The following RAD51B variants were observed in gnomAD, a reference collection of about 807,000 sequenced individuals.
RAD51B encodes DNA repair protein RAD51 homolog 2.
In RAD51B, 38 loss-of-function variants were observed where a neutral mutation model predicts 42.2. That is an observed-to-expected ratio of 0.90 (90% CI 0.70 to 1.18). The LOEUF is 1.18. Among genes scored for constraint, RAD51B ranks in the 50% most tolerant of loss-of-function variants. The pLI is 0.00. For missense variants in RAD51B, 373 were observed against 400.7 expected (o/e 0.93, Z 0.59); for synonymous variants, 154 against 145.2 (o/e 1.06, Z -0.43).
intron 9 of RAD51B, among the ~76,000 whole-genome samples, chr14:68,412,483 G>A (rs1189634494): frequency 6.6e-6 from 1 of 152,180 alleles, no homozygotes; most frequent in African/African-American, 2.4e-5. Context: ...GCCTTTACCT[G>A]CATTAGGTAA....
chr14:68,092,829 T>C (rs1170626931), intron 7 of RAD51B, among the ~76,000 whole-genome samples: 5 of 152,162 alleles, frequency 3.3e-5, no homozygotes, highest in Non-Finnish European at 7.3e-5. Flanking sequence ...TGATATTGGC[T>C]GTGGGTTTGT....
intron 7 of RAD51B, among the ~76,000 whole-genome samples, chr14:67,975,111 G>A (rs923852877): frequency 6.6e-6 from 1 of 152,068 alleles, no homozygotes; most frequent in Admixed American, 6.5e-5. Flanking sequence ...TTACCTAATG[G>A]TTTCTGTGGG....
intron 3 of RAD51B, among the ~76,000 whole-genome samples, chr14:67,830,291 C>T (rs770987605): frequency 5.3e-5 from 8 of 152,062 alleles, no homozygotes; most frequent in African/African-American, 7.2e-5. Flanking sequence ...AAAATATTCA[C>T]GAAGATTAGT....
At chr14:68,527,075 G>C (rs1165479131) in intron 10 of RAD51B, among the ~76,000 whole-genome samples, 1 of 152,194 alleles carries the variant, frequency 6.6e-6, no homozygotes, top group African/African-American at 2.4e-5. Context: ...CAGGAAAGAA[G>C]AAAGTTACAT....
chr14:68,139,224 T>C (rs536977230), intron 7 of RAD51B, among the ~76,000 whole-genome samples: 3 of 152,202 alleles, frequency 2.0e-5, no homozygotes, highest in African/African-American at 4.8e-5. Flanking sequence ...ATTCAAAACA[T>C]TTATTACTAA....
At chr14:67,964,622 C>T (rs2074733178) in intron 7 of RAD51B, among the ~76,000 whole-genome samples, 1 of 151,252 alleles carries the variant, frequency 6.6e-6, no homozygotes, top group African/African-American at 2.4e-5. Flanking sequence ...TTTTCTTTTT[C>T]TTTTTTTTTC....
At chr14:68,657,229 T>G (rs1329758718) in intron 11 of RAD51B, among the ~76,000 whole-genome samples, 2 of 152,100 alleles carry the variant, frequency 1.3e-5, no homozygotes, top group Admixed American at 6.5e-5. Flanking sequence ...GTGGGGGGAA[T>G]GCTGAGGCTT....
chr14:68,441,902 T>A (rs1228603461), intron 9 of RAD51B, among the ~76,000 whole-genome samples: 2 of 152,226 alleles, frequency 1.3e-5, no homozygotes, highest in Non-Finnish European at 2.9e-5. Flanking sequence ...CCATAGGATA[T>A]AACCCTAACA....
At chr14:68,419,701 A>G (rs930350532) in intron 9 of RAD51B, among the ~76,000 whole-genome samples, 1 of 152,200 alleles carries the variant, frequency 6.6e-6, no homozygotes, top group Non-Finnish European at 1.5e-5. Context: ...TTCATAGGCT[A>G]AAGGTGTGTA....
chr14:68,587,548 G>A (rs188097516), intron 10 of RAD51B, among the ~76,000 whole-genome samples: 15 of 152,046 alleles, frequency 9.9e-5, no homozygotes, highest in African/African-American at 3.6e-4. Flanking sequence ...TAATTCCTCT[G>A]CTGGTCTGAG....
chr14:68,662,279 T>C (rs1892949094), intron 11 of RAD51B, among the ~76,000 whole-genome samples: 1 of 152,230 alleles, frequency 6.6e-6, no homozygotes, highest in Admixed American at 6.5e-5. Context: ...ATCCCGGGCA[T>C]GTATAAAATT....
At chr14:68,682,854 G>A in intron 11 of RAD51B, 1 of 805,370 alleles carries the variant, frequency 1.2e-6, no homozygotes, top group Non-Finnish European at 1.5e-6. Context: ...AGGATTTATT[G>A]CCTTTGAGTA....
At chr14:68,137,981 T>C (rs2078045783) in intron 7 of RAD51B, among the ~76,000 whole-genome samples, 2 of 152,150 alleles carry the variant, frequency 1.3e-5, no homozygotes, top group African/African-American at 2.4e-5. Flanking sequence ...CAAAACTCTT[T>C]AGAGGATTGT....
At chr14:68,385,398 G>A (rs1319168681) in intron 8 of RAD51B, among the ~76,000 whole-genome samples, 1 of 152,150 alleles carries the variant, frequency 6.6e-6, no homozygotes, top group Admixed American at 6.5e-5. Flanking sequence ...ACTCCTTCAA[G>A]GCAACTGCAA....
chr14:68,160,363 C>T (rs1309391052), intron 7 of RAD51B, among the ~76,000 whole-genome samples: 1 of 152,156 alleles, frequency 6.6e-6, no homozygotes, highest in Admixed American at 6.5e-5. Context: ...AACCTGAGTT[C>T]CCTAGCTTTC....
At chr14:68,070,217 C>T (rs1028722091) in intron 7 of RAD51B, among the ~76,000 whole-genome samples, 1 of 151,966 alleles carries the variant, frequency 6.6e-6, no homozygotes, top group Non-Finnish European at 1.5e-5. Context: ...ATATTTTCTC[C>T]CATTCTATAG....
intron 7 of RAD51B, among the ~76,000 whole-genome samples, chr14:68,163,912 G>GA (rs1370219468): frequency 5.3e-5 from 8 of 152,168 alleles, no homozygotes; most frequent in Non-Finnish European, 1.2e-4. Context: ...TGAAAAAGTT[G>GA]AAAAAATACT....
intron 8 of RAD51B, among the ~76,000 whole-genome samples, chr14:68,305,001 T>C (rs2081830409): frequency 6.6e-6 from 1 of 152,222 alleles, no homozygotes. Flanking sequence ...TGCCCCAAAG[T>C]ATGGAAAATT....
At chr14:67,949,728 C>T (rs1018857902) in intron 7 of RAD51B, among the ~76,000 whole-genome samples, 6 of 152,084 alleles carry the variant, frequency 3.9e-5, no homozygotes, top group Admixed American at 1.3e-4. Flanking sequence ...AATAGCATTA[C>T]GAAATGTATG....
Sources: allele counts gnomAD v4.1 joint callset (sites outside exome capture counted in the v4.1 genomes callset), GRCh38; gene constraint gnomAD v4.1.1; transcripts MANE v1.5; gene names NCBI Gene and HGNC (gene_info 2026-07-23, HGNC 2026-07-21).